Variants in TNXB observed in about 807,000 individuals in gnomAD.
The protein encoded by TNXB is tenascin XB.
Under a neutral mutation model 340.5 loss-of-function variants are expected in TNXB, and 183 were observed. That is an observed-to-expected ratio of 0.54 (90% CI 0.48 to 0.61). The LOEUF is 0.61. TNXB is among the 20% of genes least tolerant of loss of function. The pLI, the probability that TNXB is intolerant of heterozygous loss-of-function variation, is 0.00. For missense variants in TNXB, 4,613 were observed against 5,446.4 expected (o/e 0.85, Z 4.82); for synonymous variants, 2,121 against 2,314.5 (o/e 0.92, Z 2.40).
In TNXB at chr6:32,103,429, C is replaced by CAA. The variant is rs9281651; in HGVS notation, c.-8-5225_-8-5224dup. Among the ~76,000 whole-genome samples the CAA allele has an allele frequency of 2.0e-3, 260 of 129,722 alleles. 1 individual carries two copies. In the East Asian group the frequency reaches 0.021, roughly 10 times the overall value. 85.1% of individuals were successfully genotyped at this position (129,722 alleles called of 152,430 possible). On this transcript the variant is annotated intron_variant, in intron 1 of 43. Transcript: ENST00000644971. The stretch of plus-strand genomic sequence containing the variant: ...TGGGCAACAGAGCGAGACTCCATCT[C>CAA]AAAAAAAAAAAAAAATGAAACCTTA...
rs1332781907 is a variant in TNXB, at chr6:32,048,564, A to T, written c.9844T>A (p.Trp3282Arg). ...AVTSDSVGLS[W>R]TVAQGPFDSF... The stretch of plus-strand genomic sequence containing the variant: ...TCAAAGGGGCCCTGGGCCACCGTCC[A>T]TGAGAGGCCCACTGAGTCCGAGGTC... The change falls in exon 29 of 44, where the codon TGG (tryptophan) becomes AGG (arginine). Residue 3282 changes from tryptophan (W) to arginine (R), a missense_variant. Coordinates refer to ENST00000644971, the MANE Select transcript of TNXB (RefSeq NM_001365276.2). 6.4e-7 allele frequency: 1 copy of T among 1,569,298 alleles called. No homozygotes were observed. Among genetic ancestry groups the T allele is most frequent in the Non-Finnish European group, 8.6e-7 (1 of 1,156,162 alleles).
intron 6 of TNXB, 88 bp downstream of exon 6, chr6:32,088,697 A>G: frequency 1.3e-6 from 2 of 1,492,240 alleles, no homozygotes; most frequent in Non-Finnish European, 1.8e-6. Flanking sequence ...CATTCAGAGG[A>G]GTCTGTGAGC....
rs180946704 is a variant in TNXB at position 32,058,487 on chromosome 6, C to G, written c.7493-97G>C. 5.7e-4 allele frequency: 587 copies of G among 1,035,990 alleles called. 3 individuals are homozygous for G. The highest frequency in any genetic ancestry group is 1.2e-4 in the Non-Finnish European group (91 of 729,080). The allele number at this position is 1,035,990 out of a possible 1,614,324, so 64.2% of individuals were successfully genotyped here. ...GAGGTCATACATCAAATGTGCCCCT[C>G]CAGAGCAGGCTGAGGGCTGGGGCAG... is the stretch of plus-strand genomic sequence containing the variant. On this transcript the variant is annotated intron_variant, in intron 21 of 43. Transcript: ENST00000644971. The surrounding 1 kb of genome is among the most constrained non-coding windows in gnomAD (Gnocchi z 5.1).
chr6:32,049,594 T>G lies in TNXB; in HGVS notation c.9440-7A>C. The G allele has an allele frequency of 6.2e-7, 1 of 1,605,780 alleles. No individual in the cohort carries two copies. Among genetic ancestry groups the G allele is most frequent in the Non-Finnish European group, 8.5e-7 (1 of 1,175,790 alleles). On this transcript the variant is annotated splice_region_variant and splice_polypyrimidine_tract_variant and intron_variant, in intron 27 of 43. Coordinates refer to ENST00000644971, the MANE Select transcript of TNXB (RefSeq NM_001365276.2). The surrounding 1 kb of genome is among the most constrained non-coding windows in gnomAD (Gnocchi z 4.5). Reference sequence around the variant, plus strand: ...GGGCTGGGGGTCTCTTCCTCTGCAGTGGAGAAGGAGGGAGAGAGAGTGAGG... The same window carrying G: ...GGGCTGGGGGTCTCTTCCTCTGCAGGGGAGAAGGAGGGAGAGAGAGTGAGG...
rs1777058173 is a variant in TNXB at position 32,048,615 on chromosome 6, G to A, written c.9793C>T (p.Leu3265=). 2 of 1,526,796 alleles carry A rather than the reference G, an allele frequency of 1.3e-6. No individual in the cohort carries two copies. Among genetic ancestry groups the A allele is most frequent in the Non-Finnish European group, 8.8e-7 (1 of 1,131,106 alleles). 94.6% of individuals were successfully genotyped at this position (1,526,796 alleles called of 1,614,324 possible). The change falls in exon 29 of 44, where the codon CTG becomes TTG. Residue 3265 remains leucine (L), a synonymous_variant. Transcript: ENST00000644971. ...LPTPLPVEPR[L]GELAVAAVTS... is the part of the protein sequence containing the mutation. ...ACGGCCGCCACCGCCAGCTCCCCCAGGCGGGGCTCCACCGGCAGTGGTGTG... is the reference window on the plus strand; with the variant it reads ...ACGGCCGCCACCGCCAGCTCCCCCAAGCGGGGCTCCACCGGCAGTGGTGTG...
rs1188295318 is a variant in TNXB, at chr6:32,082,909, C to T, written c.3446-583G>A. ...TCAGCATTTCAACAAGCTACTGTCACACCCCTCCTCACCCCCACTCTGTGT... is the reference window on the plus strand; with the variant it reads ...TCAGCATTTCAACAAGCTACTGTCATACCCCTCCTCACCCCCACTCTGTGT... On this transcript the variant is annotated intron_variant, in intron 8 of 43. Coordinates refer to ENST00000644971, the MANE Select transcript of TNXB (RefSeq NM_001365276.2). This position sits in a 1 kb window ranked among gnomAD's most constrained non-coding sequence, Gnocchi z 5.0. Among the ~76,000 whole-genome samples the T allele has an allele frequency of 6.6e-6, 1 of 152,176 alleles. No individual in the cohort carries two copies. The highest frequency in any genetic ancestry group is 1.5e-5 in the Non-Finnish European group (1 of 68,034).
chr6:32,065,228 T>A (rs1778274262), intron 18 of TNXB, 111 bp from the exon 19 acceptor site: 1 of 997,518 alleles, frequency 1.0e-6, no homozygotes, highest in Non-Finnish European at 1.4e-6. Context: ...TAACTTAAGA[T>A]CGATTTCTGA....
intron 29 of TNXB, 80 bp from the exon 30 acceptor site, chr6:32,048,092 T>A: frequency 6.7e-7 from 1 of 1,495,742 alleles, no homozygotes; most frequent in Non-Finnish European, 9.1e-7. Flanking sequence ...TATGGCTCTG[T>A]GAGCCGGTCC....
chr6:32,049,313 G>C lies in TNXB; in HGVS notation c.9714C>G (p.His3238Gln), dbSNP rs760495650. The change falls in exon 28 of 44, where the codon CAC becomes CAG. Residue 3238 changes from histidine to glutamine, a missense_variant. His to Gln is a conservative substitution (Grantham distance 24). Coordinates refer to ENST00000644971, the MANE Select transcript of TNXB (RefSeq NM_001365276.2). The surrounding 1 kb of genome is among the most constrained non-coding windows in gnomAD (Gnocchi z 4.5). ...RKYKMHLYGL[H>Q]EGQRVGPVST... The stretch of plus-strand genomic sequence containing the variant: ...ACACTGGGCCCACGCGCTGCCCCTC[G>C]TGGAGGCCGTACAGATGCATCTTGT... 1 of 1,612,344 alleles carries C rather than the reference G, an allele frequency of 6.2e-7. No homozygotes were observed. The highest frequency in any genetic ancestry group is 8.5e-7 in the Non-Finnish European group (1 of 1,179,800).
rs771912917 is a variant in TNXB, at chr6:32,067,779, C to T, written c.6426G>A (p.Gly2142=). The T allele has an allele frequency of 6.2e-7, 1 of 1,613,642 alleles. No individual in the cohort carries two copies. The highest frequency in any genetic ancestry group is 8.5e-7 in the Non-Finnish European group (1 of 1,179,888). ...RDGRPQVVRV[G]GEESEVTVGG... is the part of the protein sequence containing the mutation. ...CCACGGTGACTTCACTCTCCTCGCCCCCAACACGCACCACCTGGGGCCGCC... is the reference window on the plus strand; with the variant it reads ...CCACGGTGACTTCACTCTCCTCGCCTCCAACACGCACCACCTGGGGCCGCC... The change falls in exon 18 of 44, where the codon GGG becomes GGA. Residue 2142 remains glycine (G), a synonymous_variant. Transcript: ENST00000644971. This position sits in a 1 kb window ranked among gnomAD's most constrained non-coding sequence, Gnocchi z 4.2.
chr6:32,096,601 G>T lies in TNXB; in HGVS notation c.1252C>A (p.Arg418Ser). 2 of 1,577,540 alleles carry T rather than the reference G, an allele frequency of 1.3e-6. No individual in the cohort carries two copies. The highest frequency in any genetic ancestry group is 1.7e-6 in the Non-Finnish European group (2 of 1,165,970). ...CNQRGRCEDGRCVCWPGYTGT... is the reference protein window; with the variant it reads ...CNQRGRCEDGSCVCWPGYTGT... ...GTGTACCCCGGCCAGCACACGCAGC[G>T]GCCGTCCTCGCAGCGGCCCCTTTGG... is the stretch of plus-strand genomic sequence containing the variant. The change falls in exon 3 of 44, where the codon CGC (arginine) becomes AGC (serine). Residue 418 changes from arginine (R) to serine (S), a missense_variant. Coordinates refer to ENST00000644971, the MANE Select transcript of TNXB (RefSeq NM_001365276.2).
chr6:32,104,241 C>G (rs1780867796), intron 1 of TNXB, among the ~76,000 whole-genome samples: 1 of 152,206 alleles, frequency 6.6e-6, no homozygotes, highest in South Asian at 2.1e-4. Flanking sequence ...GTACCTTCAT[C>G]CAGACTTATA....
chr6:32,067,530 G>C lies in TNXB; in HGVS notation c.6544+131C>G. ...CTCTCTCTGTCCCCAGATCACACCT[G>C]TCCTGAGCCTTTAGTGAACAGGGTG... On this transcript the variant is annotated intron_variant, in intron 18 of 43. Transcript: ENST00000644971. The surrounding 1 kb of genome is among the most constrained non-coding windows in gnomAD (Gnocchi z 4.2). 1 of 1,288,414 alleles carries C rather than the reference G, an allele frequency of 7.8e-7. No individual in the cohort carries two copies. The highest frequency in any genetic ancestry group is 1.0e-6 in the Non-Finnish European group (1 of 963,380). 79.8% of individuals were successfully genotyped at this position (1,288,414 alleles called of 1,614,324 possible). A position where few individuals can be genotyped will look rare whatever the true frequency, so the allele number is the denominator to read the frequency against.
Position 32,048,008 on chromosome 6 carries a change from TG to T in TNXB, c.10049del (p.Pro3350GlnfsTer12). The T allele has an allele frequency of 6.2e-7, 1 of 1,607,348 alleles. No homozygotes were observed. ...CCAGGCGGGGAGACGGTTTGGTGTC[TG>T]GGGCTGGAAAAGACAGTGAGGTGCA... Reference protein sequence around the residue: ...GPVPVEARTAPDTKPSPRLGE... With the variant: ...GPVPVEARTAXDTKPSPRLGE... On this transcript the variant is annotated frameshift_variant, in exon 30 of 44. Transcript: ENST00000644971. LOFTEE classifies it high-confidence loss of function.
intron 1 of TNXB, among the ~76,000 whole-genome samples, chr6:32,105,462 T>C (rs983914578): frequency 1.3e-5 from 2 of 152,186 alleles, no homozygotes; most frequent in Admixed American, 6.5e-5. Flanking sequence ...ATAAAGTCCA[T>C]GAGGGCAGGC....
chr6:32,076,998 A>C (rs1272980197), intron 11 of TNXB, among the ~76,000 whole-genome samples: 1 of 152,130 alleles, frequency 6.6e-6, no homozygotes, highest in Non-Finnish European at 1.5e-5. Context: ...ATAATAATAA[A>C]ATAAAAAAAT....
In TNXB at chr6:32,084,633, G is replaced by C. The variant is rs372197657; in HGVS notation, c.3225C>G (p.Ser1075=). 6.2e-7 allele frequency: 1 copy of C among 1,601,440 alleles called. No homozygotes were observed. The change falls in exon 8 of 44, where the codon TCC becomes TCG. Residue 1075 remains serine, a synonymous_variant. Transcript: ENST00000644971. The surrounding 1 kb of genome is among the most constrained non-coding windows in gnomAD (Gnocchi z 5.5). ...LGELTVTDRT[S]DSLLLRWTVP... is the part of the protein sequence containing the mutation. ...CCGTCCAGCGCAGGAGCAAGGAGTCGGAGGTCCTGTCTGTCACCGTCAGCT... is the reference window on the plus strand; with the variant it reads ...CCGTCCAGCGCAGGAGCAAGGAGTCCGAGGTCCTGTCTGTCACCGTCAGCT...
Position 32,082,396 on chromosome 6 carries a change from A to G in TNXB, c.3446-70T>C. On this transcript the variant is annotated intron_variant, in intron 8 of 43. Coordinates refer to ENST00000644971, the MANE Select transcript of TNXB (RefSeq NM_001365276.2). This position sits in a 1 kb window ranked among gnomAD's most constrained non-coding sequence, Gnocchi z 5.0. ...AGAATGGGGAAGCCAAATCCCACAT[A>G]GGAATGCTGTGTGAGGCTGTGCAGG... 6.9e-7 allele frequency: 1 copy of G among 1,453,502 alleles called. No homozygotes were observed. Among genetic ancestry groups the G allele is most frequent in the Non-Finnish European group, 9.3e-7 (1 of 1,074,418 alleles). 90.0% of individuals were successfully genotyped at this position (1,453,502 alleles called of 1,614,324 possible).
At position 32,082,378 on chromosome 6, in the gene TNXB, G is replaced by C. The variant is rs1351926394; in HGVS notation, c.3446-52C>G. Reference sequence around the variant, plus strand: ...AGAGACTTAGGTCCAAGGAGAATGGGGAAGCCAAATCCCACATAGGAATGC... The same window carrying C: ...AGAGACTTAGGTCCAAGGAGAATGGCGAAGCCAAATCCCACATAGGAATGC... On this transcript the variant is annotated intron_variant, in intron 8 of 43. Transcript: ENST00000644971. The surrounding 1 kb of genome is among the most constrained non-coding windows in gnomAD (Gnocchi z 5.0). 6.6e-7 allele frequency: 1 copy of C among 1,515,970 alleles called. No homozygotes were observed. The highest frequency in any genetic ancestry group is 8.9e-7 in the Non-Finnish European group (1 of 1,124,954). The allele number at this position is 1,515,970 out of a possible 1,614,324, so 93.9% of individuals were successfully genotyped here. A position where few individuals can be genotyped will look rare whatever the true frequency, so the allele number is the denominator to read the frequency against.
Sources: allele counts gnomAD v4.1 joint callset (sites outside exome capture counted in the v4.1 genomes callset), GRCh38; gene constraint gnomAD v4.1.1; non-coding constraint Gnocchi (gnomAD v3.1); transcripts MANE v1.5; gene names NCBI Gene and HGNC (gene_info 2026-07-23, HGNC 2026-07-21).